Variants in RCN2 observed in about 807,000 individuals in gnomAD.
RCN2 encodes reticulocalbin 2, also known as reticulocalbin-2.
Under a neutral mutation model 37.5 loss-of-function variants are expected in RCN2, and 23 were observed. The observed-to-expected ratio is 0.61, with a 90% CI of 0.44 to 0.87. The LOEUF (loss-of-function observed/expected upper bound fraction) is 0.87, where lower values mean the gene tolerates loss of function less well. Among genes scored for constraint, RCN2 ranks in the 40% least tolerant of loss-of-function variants. The probability of loss-of-function intolerance (pLI) is 0.00; values close to 1 mark genes in which losing one functional copy is unlikely to be tolerated. For synonymous variants in RCN2, 140 were observed against 144.6 expected (o/e 0.97, Z 0.23); for missense variants, 381 against 390.4 (o/e 0.98, Z 0.20).
intron 2 of RCN2, among the ~76,000 whole-genome samples, chr15:76,935,075 A>T (rs1250929876): frequency 6.6e-6 from 1 of 152,212 alleles, no homozygotes; most frequent in Non-Finnish European, 1.5e-5. Flanking sequence ...CTGTAATCCC[A>T]GCAGTTTGGG....
Position 76,953,406 on chromosome 15 carries a change from C to T in RCN2, c.*4184C>T, listed in dbSNP as rs2075330240. ...TACCACATTTTGCTTATCCATTCACCCTTTGATGGACACAGGTTGCTTCCA... is the reference window on the plus strand; with the variant it reads ...TACCACATTTTGCTTATCCATTCACTCTTTGATGGACACAGGTTGCTTCCA... On this transcript the variant is annotated 3_prime_UTR_variant, in exon 7 of 7. Coordinates refer to ENST00000394885, the MANE Select transcript of RCN2 (RefSeq NM_002902.3). 1 of 151,052 alleles carries T rather than the reference C, an allele frequency of 6.6e-6. No homozygotes were observed. Among genetic ancestry groups the T allele is most frequent in the Non-Finnish European group, 1.5e-5 (1 of 67,844 alleles). 9.4% of individuals were successfully genotyped at this position (151,052 alleles called of 1,614,324 possible).
intron 4 of RCN2, among the ~76,000 whole-genome samples, chr15:76,946,880 G>A (rs2075298691): frequency 6.6e-6 from 1 of 152,174 alleles, no homozygotes; most frequent in Admixed American, 6.6e-5. Context: ...ACAGATTTGG[G>A]GGCAGTTTGG....
chr15:76,943,959 A>T, intron 4 of RCN2, 88 bp downstream of exon 4: 3 of 422,474 alleles, frequency 7.1e-6, no homozygotes, highest in Admixed American at 7.3e-5. Flanking sequence ...CATAGTAGGT[A>T]TATATGTTTA....
At chr15:76,937,048 T>C (rs2075253573) in intron 3 of RCN2, among the ~76,000 whole-genome samples, 1 of 152,252 alleles carries the variant, frequency 6.6e-6, no homozygotes, top group Non-Finnish European at 1.5e-5. Context: ...TTTGTCTTTG[T>C]AACTGGCTTA....
At position 76,931,767 on chromosome 15, in the gene RCN2, G is replaced by T. The variant is rs533126822; in HGVS notation, c.-75G>T. 1.2e-4 allele frequency: 131 copies of T among 1,120,660 alleles called. No homozygotes were observed. The South Asian group carries it at 4.8e-3, about 41-fold the overall frequency. 69.4% of individuals were successfully genotyped at this position (1,120,660 alleles called of 1,614,324 possible). On this transcript the variant is annotated 5_prime_UTR_variant, in exon 1 of 7. Transcript: ENST00000394885. The stretch of plus-strand genomic sequence containing the variant: ...GCACCGCCTCTCTGTAGCCGCCCGC[G>T]GAGCATCGCAGCCGGCCCGGGCCCC...
chr15:76,945,833 T>G (rs2075294563), intron 4 of RCN2, among the ~76,000 whole-genome samples: 1 of 152,246 alleles, frequency 6.6e-6, no homozygotes, highest in South Asian at 2.1e-4. Context: ...CTTGCCATTG[T>G]GAAGCTTCTA....
Position 76,931,809 on chromosome 15 carries a change from C to T in RCN2, c.-33C>T, listed in dbSNP as rs2075223211. The T allele has an allele frequency of 8.3e-7, 1 of 1,203,434 alleles. No individual in the cohort carries two copies. The highest frequency in any genetic ancestry group is 1.0e-6 in the Non-Finnish European group (1 of 969,888). The allele number at this position is 1,203,434 out of a possible 1,614,324, so 74.5% of individuals were successfully genotyped here. A position where few individuals can be genotyped will look rare whatever the true frequency, so the allele number is the denominator to read the frequency against. On this transcript the variant is annotated 5_prime_UTR_variant, in exon 1 of 7. Coordinates refer to ENST00000394885, the MANE Select transcript of RCN2 (RefSeq NM_002902.3). Reference sequence around the variant, plus strand: ...CCGGGCCCCCGCCAGCCTCCCTCCTCGCGTCCCTCGGTGTCCTCCGCGGGC... The same window carrying T: ...CCGGGCCCCCGCCAGCCTCCCTCCTTGCGTCCCTCGGTGTCCTCCGCGGGC...
In RCN2 at chr15:76,953,553, T is replaced by TTATATA. The variant is rs1246807330; in HGVS notation, c.*4332_*4333insATATAT. On this transcript the variant is annotated 3_prime_UTR_variant, in exon 7 of 7. Coordinates refer to ENST00000394885, the MANE Select transcript of RCN2 (RefSeq NM_002902.3). ...GTGGGATTGCTGGATCATATAGTAA[T>TTATATA]TCTATATATATATATATATATATAT... 76 of 77,522 alleles carry TTATATA rather than the reference T, an allele frequency of 9.8e-4. 1 individual carries two copies. Among genetic ancestry groups the TTATATA allele is most frequent in the Non-Finnish European group, 1.4e-3 (57 of 42,214 alleles). The allele number at this position is 77,522 out of a possible 1,614,324, so 4.8% of individuals were successfully genotyped here. A position where few individuals can be genotyped will look rare whatever the true frequency, so the allele number is the denominator to read the frequency against.
intron 4 of RCN2, among the ~76,000 whole-genome samples, chr15:76,945,711 A>G (rs966489906): frequency 2.0e-5 from 3 of 152,222 alleles, no homozygotes; most frequent in African/African-American, 7.2e-5. Context: ...GAAGGAAGAT[A>G]TATCTTTTTG....
At chr15:76,935,463 A>T (rs1209748720) in intron 2 of RCN2, 63 bp from the exon 3 acceptor site, 1 of 1,344,302 alleles carries the variant, frequency 7.4e-7, no homozygotes, top group African/African-American at 1.5e-5. Context: ...AAGGTTTGGA[A>T]ATCCTTACTC....
At position 76,953,747 on chromosome 15, in the gene RCN2, A is replaced by G. The variant is rs980261826; in HGVS notation, c.*4525A>G. On this transcript the variant is annotated 3_prime_UTR_variant, in exon 7 of 7. Transcript: ENST00000394885. ...CTCAGCCTCCCGAGTAGCTGGGACT[A>G]TAGGCGCCTGCCACCGCACCCGGCT... 1.0e-4 allele frequency: 10 copies of G among 99,732 alleles called. No individual in the cohort carries two copies. The highest frequency in any genetic ancestry group is 2.7e-4 in the African/African-American group (10 of 36,800). 6.2% of individuals were successfully genotyped at this position (99,732 alleles called of 1,614,324 possible). A position where few individuals can be genotyped will look rare whatever the true frequency, so the allele number is the denominator to read the frequency against.
chr15:76,943,288 T>A (rs902699094), intron 3 of RCN2: 1 of 152,974 alleles, frequency 6.5e-6, no homozygotes, highest in Non-Finnish European at 1.5e-5. Context: ...CATGCAGTCT[T>A]CCCAAGTTGC....
In RCN2 at chr15:76,931,906, C is replaced by T; in HGVS notation, c.65C>T (p.Ala22Val). ...LLLLCAAAAGAGKAEELHYPL... is the reference protein window; with the variant it reads ...LLLLCAAAAGVGKAEELHYPL... ...CTGCTGTGCGCCGCCGCGGCCGGCG[C>T]CGGCAAGGCCGAGGAGCTGCACTAC... The change falls in exon 1 of 7, where the codon GCC (alanine) becomes GTC (valine). Residue 22 changes from alanine (A) to valine (V), a missense_variant. By Grantham distance (64) the Ala-to-Val change is moderately conservative. Coordinates refer to ENST00000394885, the MANE Select transcript of RCN2 (RefSeq NM_002902.3). 1 of 1,324,492 alleles carries T rather than the reference C, an allele frequency of 7.6e-7. No homozygotes were observed. The highest frequency in any genetic ancestry group is 3.3e-5 in the Admixed American group (1 of 30,540). The allele number at this position is 1,324,492 out of a possible 1,614,324, so 82.0% of individuals were successfully genotyped here.
At chr15:76,932,017 G>A (rs1259104701) in intron 1 of RCN2, 32 bp downstream of exon 1, 5 of 1,241,774 alleles carry the variant, frequency 4.0e-6, no homozygotes, top group Non-Finnish European at 5.0e-6. Flanking sequence ...TGGGAGGGCC[G>A]GGCCTCGCAC....
intron 5 of RCN2, 58 bp from the exon 6 acceptor site, chr15:76,948,349 ACTT>A (rs2075304677): frequency 8.1e-7 from 1 of 1,239,398 alleles, no homozygotes; most frequent in Non-Finnish European, 1.1e-6. Context: ...GATATACCAA[ACTT>A]CTTATTGGAT....
chr15:76,949,061 A>G lies in RCN2; in HGVS notation c.802-9A>G, dbSNP rs757274880. On this transcript the variant is annotated splice_polypyrimidine_tract_variant and intron_variant, in intron 6 of 6. Transcript: ENST00000394885. ...ATTACACTTGACACTTTTTTGTTTT[A>G]TTTTGAAGGCGCTTCATCTAATTGA... 3 of 1,583,000 alleles carry G rather than the reference A, an allele frequency of 1.9e-6. No individual in the cohort carries two copies. Among genetic ancestry groups the G allele is most frequent in the Admixed American group, 3.8e-5 (2 of 52,072 alleles).
At chr15:76,947,006 G>A (rs1395136309) in intron 4 of RCN2, among the ~76,000 whole-genome samples, 1 of 152,148 alleles carries the variant, frequency 6.6e-6, no homozygotes, top group Non-Finnish European at 1.5e-5. Flanking sequence ...GCTCTTTTAG[G>A]GTTGTTCATG....
At chr15:76,938,666 C>T (rs1041517309) in intron 3 of RCN2, 12 of 445,624 alleles carry the variant, frequency 2.7e-5, no homozygotes, top group South Asian at 1.9e-4. Context: ...ATATTGGCCG[C>T]TTGAACTCTG....
chr15:76,945,447 T>C (rs1195824880), intron 4 of RCN2, among the ~76,000 whole-genome samples: 3 of 152,104 alleles, frequency 2.0e-5, no homozygotes, highest in Non-Finnish European at 4.4e-5. Flanking sequence ...GTATAATGAG[T>C]CCTCTCATCC....
Sources: allele counts gnomAD v4.1 joint callset (sites outside exome capture counted in the v4.1 genomes callset), GRCh38; gene constraint gnomAD v4.1.1; transcripts MANE v1.5; gene names NCBI Gene and HGNC (gene_info 2026-07-23, HGNC 2026-07-21).